Variants in ZFHX3 observed in about 807,000 individuals in gnomAD.
ZFHX3 encodes zinc finger homeobox 3, also known as zinc finger homeobox protein 3.
In ZFHX3, 42 loss-of-function variants were observed where a neutral mutation model predicts 279.1. The observed-to-expected ratio is 0.15, with a 90% CI of 0.12 to 0.19. The LOEUF (loss-of-function observed/expected upper bound fraction) is 0.19. ZFHX3 is among the 10% of genes least tolerant of loss of function. The pLI, the probability that ZFHX3 is intolerant of heterozygous loss-of-function variation, is 1.00. For missense variants in ZFHX3, 4,981 were observed against 4,754.0 expected (o/e 1.05, Z -1.40); for synonymous variants, 2,293 against 1,957.8 (o/e 1.17, Z -4.52).
chr16:73,538,419 T>C (rs1482031455), intron 2 of ZFHX3, among the ~76,000 whole-genome samples: 1 of 152,224 alleles, frequency 6.6e-6, no homozygotes, highest in Non-Finnish European at 1.5e-5. Flanking sequence ...GAAGGTATCA[T>C]CATTAATTGC....
chr16:73,393,170 G>A (rs1010757366), intron 3 of ZFHX3, among the ~76,000 whole-genome samples: 1 of 152,148 alleles, frequency 6.6e-6, no homozygotes, highest in Non-Finnish European at 1.5e-5. Context: ...GCTCAGCATG[G>A]CTGGCTGGGC....
chr16:73,545,630 G>C (rs771146949), intron 2 of ZFHX3, among the ~76,000 whole-genome samples: 1 of 151,996 alleles, frequency 6.6e-6, no homozygotes, highest in African/African-American at 2.4e-5. Context: ...TCTTTAGTTT[G>C]TGCTCTTCTT....
intron 2 of ZFHX3, among the ~76,000 whole-genome samples, chr16:73,471,237 T>C (rs1159039935): frequency 6.6e-6 from 1 of 152,182 alleles, no homozygotes. Flanking sequence ...GGGCTGTTTT[T>C]ACAAAAAGGC....
chr16:72,799,929 T>C (rs1410645130), intron 8 of ZFHX3, 98 bp downstream of exon 8: 15 of 1,085,532 alleles, frequency 1.4e-5, no homozygotes, highest in Non-Finnish European at 2.1e-5. Context: ...ACATTCACCT[T>C]AAGAGTATTG....
intron 2 of ZFHX3, among the ~76,000 whole-genome samples, chr16:73,467,620 C>T (rs376131450): frequency 7.6e-4 from 115 of 152,232 alleles, no homozygotes; most frequent in African/African-American, 2.7e-3. Flanking sequence ...AACAATTGAA[C>T]GTAGGTGGTG....
intron 2 of ZFHX3, among the ~76,000 whole-genome samples, chr16:73,610,554 C>G (rs13332773): frequency 0.061 from 9,338 of 152,222 alleles, 941 homozygotes; most frequent in African/African-American, 0.21. Flanking sequence ...GAAAAACAAA[C>G]AGTCTGTTAA....
chr16:73,472,688 C>T lies in ZFHX3; in HGVS notation c.-1546-16430G>A, dbSNP rs528626572. Among the ~76,000 whole-genome samples, 11 of 152,290 alleles carry T rather than the reference C, an allele frequency of 7.2e-5. No homozygotes were observed. In the East Asian group the frequency reaches 1.9e-3, roughly 27 times the overall value. On this transcript the variant is annotated intron_variant, in intron 2 of 17. Coordinates refer to the ZFHX3 transcript ENST00000641206. ...TTTGCTTGTCTTCAGCTGGGTTTGG[C>T]CAATGGGAAGGCCCAGAAGGAGGTC...
intron 1 of ZFHX3, among the ~76,000 whole-genome samples, chr16:73,831,235 A>C (rs191119090): frequency 7.6e-4 from 116 of 152,286 alleles, no homozygotes; most frequent in African/African-American, 2.4e-3. Flanking sequence ...AAAATCACAT[A>C]ATTGATGGCA....
chr16:73,317,947 G>T (rs958884896), intron 4 of ZFHX3, among the ~76,000 whole-genome samples: 10 of 152,154 alleles, frequency 6.6e-5, no homozygotes, highest in Non-Finnish European at 1.3e-4. Context: ...GACAATTAAG[G>T]CAAAGGAGGG....
chr16:73,145,756 G>A (rs545932626), intron 5 of ZFHX3, among the ~76,000 whole-genome samples: 6 of 152,360 alleles, frequency 3.9e-5, no homozygotes, highest in African/African-American at 1.4e-4. Context: ...TTCTGGGAAG[G>A]CACCAACCTC....
intron 2 of ZFHX3, among the ~76,000 whole-genome samples, chr16:73,473,931 A>T (rs2018719064): frequency 6.6e-6 from 1 of 152,070 alleles, no homozygotes. Context: ...ATGCCTGCAC[A>T]AGATCCCGAT....
chr16:73,252,643 G>T (rs2013544250), intron 5 of ZFHX3, among the ~76,000 whole-genome samples: 1 of 152,090 alleles, frequency 6.6e-6, no homozygotes, highest in Non-Finnish European at 1.5e-5. Flanking sequence ...GGAGGAGACG[G>T]GCTACGGCTG....
chr16:73,693,831 C>T (rs562663372), intron 1 of ZFHX3, among the ~76,000 whole-genome samples: 4 of 152,060 alleles, frequency 2.6e-5, no homozygotes, highest in Non-Finnish European at 2.9e-5. Context: ...GTAACCTGTG[C>T]GTTTCCACAT....
Position 72,798,554 on chromosome 16 carries a change from G to C in ZFHX3, c.4128C>G (p.Ala1376=). The change falls in exon 9 of 10, where the codon GCC becomes GCG. Residue 1376 remains alanine, a synonymous_variant. Coordinates refer to ENST00000268489, the MANE Select transcript of ZFHX3 (RefSeq NM_006885.4). ...GCNQVFKTSA[A]LQTHFNEVHA... ...GCACTTCATTAAAATGCGTCTGAAG[G>C]GCAGCAGAAGTTTTGAAAACCTGGT... 1 of 1,614,090 alleles carries C rather than the reference G, an allele frequency of 6.2e-7. No individual in the cohort carries two copies. Among genetic ancestry groups the C allele is most frequent in the Middle Eastern group, 1.6e-4 (1 of 6,062 alleles).
chr16:73,476,599 T>C (rs544871788), intron 2 of ZFHX3, among the ~76,000 whole-genome samples: 7 of 152,344 alleles, frequency 4.6e-5, no homozygotes, highest in African/African-American at 1.4e-4. Flanking sequence ...GATTTAACAT[T>C]GCAGCAAGTG....
intron 2 of ZFHX3, among the ~76,000 whole-genome samples, chr16:73,500,554 T>A (rs939184907): frequency 5.3e-5 from 8 of 151,902 alleles, no homozygotes; most frequent in African/African-American, 1.9e-4. Context: ...CTCAAACTCC[T>A]GGGCTCAAGT....
intron 2 of ZFHX3, among the ~76,000 whole-genome samples, chr16:73,588,788 G>A (rs773931433): frequency 6.6e-6 from 1 of 150,758 alleles, no homozygotes; most frequent in African/African-American, 2.4e-5. Flanking sequence ...AATTCAGACT[G>A]TAGAAAATTC....
At chr16:72,972,216 T>C (rs952442472) in intron 1 of ZFHX3, among the ~76,000 whole-genome samples, 1 of 151,724 alleles carries the variant, frequency 6.6e-6, no homozygotes, top group African/African-American at 2.4e-5. Context: ...CTATGGCAGG[T>C]GTGTGTTGTC....
chr16:73,298,480 A>G (rs2014976103), intron 4 of ZFHX3, among the ~76,000 whole-genome samples: 1 of 150,276 alleles, frequency 6.7e-6, no homozygotes, highest in Non-Finnish European at 1.5e-5. Flanking sequence ...CACTGCGCCC[A>G]ACCTATTTAT....
Sources: gnomAD v4.1 joint callset for allele counts (sites outside exome capture counted in the v4.1 genomes callset) on GRCh38, gnomAD v4.1.1 for gene constraint, MANE v1.5 for transcripts, NCBI Gene and HGNC (gene_info 2026-07-23, HGNC 2026-07-21) for gene names.